The following STXBP4 variants were observed in gnomAD, a reference collection of about 807,000 sequenced individuals.
The protein encoded by STXBP4 is syntaxin-binding protein 4.
In STXBP4, 55 loss-of-function variants were observed where a neutral mutation model predicts 76.1. The observed-to-expected ratio is 0.72, with a 90% confidence interval of 0.58 to 0.91. STXBP4 has a LOEUF of 0.91. STXBP4 is among the 40% of genes least tolerant of loss of function. STXBP4 has a pLI of 0.00. For missense variants in STXBP4, 618 were observed against 636.9 expected, an observed-to-expected ratio of 0.97 and a Z score of 0.32; for synonymous variants, 201 against 220.2, an observed-to-expected ratio of 0.91 and a Z score of 0.77.
chr17:55,117,269 A>G (rs2079792006), intron 16 of STXBP4, among the ~76,000 whole-genome samples: 1 of 151,850 alleles, frequency 6.6e-6, no homozygotes, highest in South Asian at 2.1e-4. Context: ...GAAGCTATGG[A>G]AAGAGAACAG....
chr17:55,144,978 A>G (rs1176558684), intron 17 of STXBP4, among the ~76,000 whole-genome samples: 1 of 152,186 alleles, frequency 6.6e-6, no homozygotes, highest in East Asian at 1.9e-4. Flanking sequence ...TAAAGAGCCT[A>G]TCATAGCACC....
At chr17:54,987,769 G>A (rs1371043589) in intron 3 of STXBP4, among the ~76,000 whole-genome samples, 2 of 152,082 alleles carry the variant, frequency 1.3e-5, no homozygotes, top group African/African-American at 4.8e-5. Context: ...TTTGTTAGAG[G>A]TTACCAATTT....
chr17:55,074,751 A>G (rs574384737), intron 13 of STXBP4, among the ~76,000 whole-genome samples: 1 of 152,146 alleles, frequency 6.6e-6, no homozygotes, highest in South Asian at 2.1e-4. Context: ...TCGGGTTCTC[A>G]TGCCATTTCT....
chr17:54,979,780 G>T (rs2077523546), intron 1 of STXBP4, among the ~76,000 whole-genome samples: 2 of 152,104 alleles, frequency 1.3e-5, no homozygotes, highest in Non-Finnish European at 2.9e-5. Context: ...TGCCTTCACT[G>T]GTATCATACT....
chr17:55,206,857 G>GAAAAAAAAA, the STXBP4 span, among the ~76,000 whole-genome samples: 7 of 103,140 alleles, frequency 6.8e-5, no homozygotes, highest in East Asian at 2.7e-4. Context: ...CTCCGTCTCA[G>GAAAAAAAAA]AAAAAAAAAA....
At chr17:54,997,432 T>G (rs1259723300) in intron 4 of STXBP4, among the ~76,000 whole-genome samples, 4 of 151,440 alleles carry the variant, frequency 2.6e-5, no homozygotes, top group Non-Finnish European at 5.9e-5. Context: ...CATGTGAACT[T>G]TTTTTCTGTA....
chr17:55,091,605 A>G (rs1251417043), intron 16 of STXBP4, among the ~76,000 whole-genome samples: 3 of 152,146 alleles, frequency 2.0e-5, no homozygotes, highest in African/African-American at 4.8e-5. Flanking sequence ...CTAACAAAAC[A>G]AAACAAAACA....
chr17:55,168,287 T>C lies in STXBP4; in HGVS notation c.*8376T>C, dbSNP rs2080388386. ...ACACACGTATTGGAGGAATAAGAAA[T>C]ATTTAATAAAATCTACACAATTTCA... On this transcript the variant is annotated 3_prime_UTR_variant, in exon 18 of 18. Transcript: ENST00000376352. The C allele has an allele frequency of 6.6e-6, 1 of 151,556 alleles. No individual in the cohort carries two copies. The allele number at this position is 151,556 out of a possible 1,614,324, so 9.4% of individuals were successfully genotyped here.
the STXBP4 span, among the ~76,000 whole-genome samples, chr17:55,201,153 T>A: frequency 3.3e-5 from 5 of 152,352 alleles, no homozygotes; most frequent in East Asian, 7.7e-4. Flanking sequence ...GATGTTTCCA[T>A]GGCAGCGGGT....
chr17:55,191,149 G>C, the STXBP4 span, among the ~76,000 whole-genome samples: 1 of 152,160 alleles, frequency 6.6e-6, no homozygotes, highest in African/African-American at 2.4e-5. Flanking sequence ...AGATGAGGAA[G>C]CTGAAACTCA....
chr17:55,072,199 T>C (rs2079128370), intron 12 of STXBP4, among the ~76,000 whole-genome samples: 1 of 152,192 alleles, frequency 6.6e-6, no homozygotes, highest in Non-Finnish European at 1.5e-5. Flanking sequence ...CTTGAACAGG[T>C]CATATAACTT....
At chr17:55,069,622 T>C (rs933724505) in intron 12 of STXBP4, among the ~76,000 whole-genome samples, 3 of 152,166 alleles carry the variant, frequency 2.0e-5, no homozygotes, top group African/African-American at 7.2e-5. Flanking sequence ...GGCTAGAACT[T>C]TGCTAAGGGG....
the STXBP4 span, among the ~76,000 whole-genome samples, chr17:55,192,703 A>G: frequency 6.0e-4 from 92 of 152,350 alleles, no homozygotes; most frequent in Non-Finnish European, 1.2e-3. Context: ...TAGTGCTCAC[A>G]GTCAGCCTCT....
At chr17:55,203,174 G>A in the STXBP4 span, among the ~76,000 whole-genome samples, 1 of 152,074 alleles carries the variant, frequency 6.6e-6, no homozygotes, top group African/African-American at 2.4e-5. Context: ...CTCCAAAAAG[G>A]AAAATATAGC....
chr17:55,008,864 G>A (rs902086118), intron 8 of STXBP4, among the ~76,000 whole-genome samples: 13 of 152,264 alleles, frequency 8.5e-5, no homozygotes, highest in Non-Finnish European at 1.6e-4. Context: ...AAGACCTTCC[G>A]GCTTCTGCTG....
intron 8 of STXBP4, among the ~76,000 whole-genome samples, chr17:55,024,678 A>C (rs2078380251): frequency 6.6e-6 from 1 of 152,222 alleles, no homozygotes; most frequent in African/African-American, 2.4e-5. Flanking sequence ...CATTATTTCA[A>C]AGAATAAATG....
chr17:54,988,238 G>A (rs754410574), intron 3 of STXBP4, among the ~76,000 whole-genome samples: 5 of 152,248 alleles, frequency 3.3e-5, no homozygotes, highest in East Asian at 3.9e-4. Flanking sequence ...TAGAGAAAAC[G>A]TATTAGCAGC....
rs1184768057 is a variant in STXBP4, at chr17:55,163,020, A to T, written c.*3109A>T. 1 of 152,190 alleles carries T rather than the reference A, an allele frequency of 6.6e-6. No homozygotes were observed. The highest frequency in any genetic ancestry group is 2.4e-5 in the African/African-American group (1 of 41,442). The allele number at this position is 152,190 out of a possible 1,614,324, so 9.4% of individuals were successfully genotyped here. Reference sequence around the variant, plus strand: ...TGTATCTTTGCACTCTTGTGCTAGTATGTCTATAGTGTGAATACATTCATA... The same window carrying T: ...TGTATCTTTGCACTCTTGTGCTAGTTTGTCTATAGTGTGAATACATTCATA... On this transcript the variant is annotated 3_prime_UTR_variant, in exon 18 of 18. Transcript: ENST00000376352.
intron 12 of STXBP4, among the ~76,000 whole-genome samples, chr17:55,049,146 A>G (rs542666756): frequency 6.6e-6 from 1 of 152,122 alleles, no homozygotes; most frequent in African/African-American, 2.4e-5. Context: ...AAAATGTTTT[A>G]TATAGCCAAC....
Sources: allele counts gnomAD v4.1 joint callset (sites outside exome capture counted in the v4.1 genomes callset), GRCh38; gene constraint gnomAD v4.1.1; transcripts MANE v1.5; gene names NCBI Gene and HGNC (gene_info 2026-07-23, HGNC 2026-07-21).